GABRA5: variants seen among roughly 807,000 people sequenced by gnomAD.
GABRA5 encodes the protein gamma-aminobutyric acid receptor subunit alpha-5.
A neutral mutation model predicts 47.3 loss-of-function variants in GABRA5; 18 were observed. The observed-to-expected ratio is 0.38, with a 90% CI of 0.26 to 0.56. The LOEUF is 0.56. GABRA5 is among the 20% of genes least tolerant of loss of function. GABRA5 has a pLI of 0.71. For missense variants in GABRA5, 365 were observed against 599.3 expected (o/e 0.61, Z 4.08); for synonymous variants, 237 against 229.3 (o/e 1.03, Z -0.30).
At chr15:26,878,549 C>T (rs1892653370) in intron 3 of GABRA5, among the ~76,000 whole-genome samples, 2 of 152,150 alleles carry the variant, frequency 1.3e-5, no homozygotes, top group Non-Finnish European at 2.9e-5. Context: ...CCCCGATAGG[C>T]ATCATCAGAG....
intron 6 of GABRA5, among the ~76,000 whole-genome samples, chr15:26,891,160 C>T (rs1026490620): frequency 2.0e-5 from 3 of 152,206 alleles, no homozygotes; most frequent in East Asian, 1.9e-4. Context: ...TTTGGACTCT[C>T]GGGCACACAT....
Position 26,900,856 on chromosome 15 carries a change from T to C in GABRA5, c.498-13947T>C, listed in dbSNP as rs553641451. ...TAAAAATCCTCTGTGCTCTGCTTAATTTTATCCCTCTCTCCCCTGAACCCC... is the reference window on the plus strand; with the variant it reads ...TAAAAATCCTCTGTGCTCTGCTTAACTTTATCCCTCTCTCCCCTGAACCCC... On this transcript the variant is annotated intron_variant, in intron 6 of 10. Coordinates refer to ENST00000335625, the MANE Select transcript of GABRA5 (RefSeq NM_000810.4). Among the ~76,000 whole-genome samples, 23 of 152,262 alleles carry C rather than the reference T, an allele frequency of 1.5e-4. No homozygotes were observed. The South Asian group carries it at 4.6e-3, about 30-fold the overall frequency.
chr15:26,946,762 T>A (rs1894521686), intron 10 of GABRA5, among the ~76,000 whole-genome samples: 1 of 143,364 alleles, frequency 7.0e-6, no homozygotes, highest in Admixed American at 7.2e-5. Context: ...CACCATAATG[T>A]AACTTACCTG....
At chr15:26,924,232 AGAAATCAGGTTCCAGCT>A (rs1893905806) in intron 7 of GABRA5, among the ~76,000 whole-genome samples, 1 of 146,122 alleles carries the variant, frequency 6.8e-6, no homozygotes, top group Non-Finnish European at 1.5e-5. Flanking sequence ...GGGTCAGGGT[AGAAATCAGGTTCCAGCT>A]TAGCCTCTAT....
At chr15:26,897,588 G>A (rs1893229287) in intron 6 of GABRA5, among the ~76,000 whole-genome samples, 1 of 152,212 alleles carries the variant, frequency 6.6e-6, no homozygotes, top group Admixed American at 6.5e-5. Flanking sequence ...CAGATACGCT[G>A]CATCAACTTC....
chr15:26,908,234 C>T (rs1371139223), intron 6 of GABRA5, among the ~76,000 whole-genome samples: 13 of 152,116 alleles, frequency 8.5e-5, no homozygotes, highest in East Asian at 1.9e-4. Context: ...GTAATCCTTA[C>T]AGCTGGGTTT....
chr15:26,868,858 T>C (rs1729218737), intron 2 of GABRA5, 65 bp downstream of exon 2: 1 of 175,154 alleles, frequency 5.7e-6, no homozygotes, highest in Admixed American at 5.6e-5. Flanking sequence ...ACTACAGCGT[T>C]TATTTTAATA....
chr15:26,934,522 C>T (rs1191497815), intron 7 of GABRA5, among the ~76,000 whole-genome samples: 1 of 152,114 alleles, frequency 6.6e-6, no homozygotes, highest in African/African-American at 2.4e-5. Context: ...GATTTGACAC[C>T]AAGCAAAAAT....
chr15:26,920,851 C>A (rs956484262), intron 7 of GABRA5, among the ~76,000 whole-genome samples: 2 of 152,164 alleles, frequency 1.3e-5, no homozygotes, highest in African/African-American at 2.4e-5. Flanking sequence ...CCCACTAGCA[C>A]TCAGAGACAA....
At chr15:26,943,083 CAAAATAAAAATA>C in intron 9 of GABRA5, 120 bp from the exon 10 acceptor site, 1 of 681,354 alleles carries the variant, frequency 1.5e-6, no homozygotes, top group South Asian at 2.0e-5. Flanking sequence ...GACTCTGTCT[CAAAATAAAAATA>C]AAAATAAAAA....
chr15:26,919,804 G>A (rs983941053), intron 7 of GABRA5, among the ~76,000 whole-genome samples: 1 of 152,030 alleles, frequency 6.6e-6, no homozygotes, highest in African/African-American at 2.4e-5. Flanking sequence ...TTGCAAGTCA[G>A]GTCTAGTGGT....
intron 6 of GABRA5, among the ~76,000 whole-genome samples, chr15:26,895,706 G>A (rs572426038): frequency 4.6e-5 from 7 of 151,628 alleles, no homozygotes; most frequent in Non-Finnish European, 8.8e-5. Context: ...CCAGCTACTC[G>A]GGAGGCGGAG....
chr15:26,876,404 C>T (rs28557375), intron 3 of GABRA5, among the ~76,000 whole-genome samples: 71,496 of 151,914 alleles, frequency 0.47, 16,879 homozygotes, highest in African/African-American at 0.5. Flanking sequence ...TGCTTGTGTT[C>T]TGAGGTCAGG....
At chr15:26,890,426 ATTTTTT>A (rs201726196) in intron 6 of GABRA5, among the ~76,000 whole-genome samples, 1 of 128,582 alleles carries the variant, frequency 7.8e-6, no homozygotes, top group South Asian at 2.6e-4. Context: ...AGTCACTTCA[ATTTTTT>A]TTTTTTTTTT....
chr15:26,885,160 G>A (rs533627615), intron 6 of GABRA5, among the ~76,000 whole-genome samples: 48 of 152,182 alleles, frequency 3.2e-4, no homozygotes, highest in South Asian at 2.1e-3. Context: ...TTAGCCGGGC[G>A]TGGTGGCGGA....
rs1048923230 is a variant in GABRA5, at chr15:26,883,036, A to G, written c.209-130A>G. On this transcript the variant is annotated intron_variant, in intron 4 of 10. Coordinates refer to ENST00000335625, the MANE Select transcript of GABRA5 (RefSeq NM_000810.4). The surrounding 1 kb of genome is among the most constrained non-coding windows in gnomAD (Gnocchi z 4.8). ...CATCTGGTAATTGTCAAGTCCTCCAAATTTACCAAACGCACTGCAAAAGCC... is the reference window on the plus strand; with the variant it reads ...CATCTGGTAATTGTCAAGTCCTCCAGATTTACCAAACGCACTGCAAAAGCC... 2.6e-6 allele frequency: 2 copies of G among 759,466 alleles called. No individual in the cohort carries two copies. Among genetic ancestry groups the G allele is most frequent in the Non-Finnish European group, 4.8e-6 (2 of 417,518 alleles). 47.0% of individuals were successfully genotyped at this position (759,466 alleles called of 1,614,324 possible).
intron 6 of GABRA5, among the ~76,000 whole-genome samples, chr15:26,909,094 G>A (rs528839819): frequency 1.3e-5 from 2 of 152,300 alleles, no homozygotes; most frequent in African/African-American, 4.8e-5. Flanking sequence ...TTGTGTGTCT[G>A]AAATGCAGCT....
chr15:26,938,712 G>A (rs28370516), intron 8 of GABRA5, among the ~76,000 whole-genome samples: 1,842 of 152,300 alleles, frequency 0.012, 24 homozygotes, highest in African/African-American at 0.038. Flanking sequence ...CACCTGCTGC[G>A]GACTATGGGG....
At chr15:26,929,410 G>T (rs989019826) in intron 7 of GABRA5, among the ~76,000 whole-genome samples, 2 of 152,206 alleles carry the variant, frequency 1.3e-5, no homozygotes, top group Admixed American at 1.3e-4. Flanking sequence ...GCTTTGCCCT[G>T]CAGACCCATG....
Sources: allele counts gnomAD v4.1 joint callset (sites outside exome capture counted in the v4.1 genomes callset), GRCh38; gene constraint gnomAD v4.1.1; non-coding constraint Gnocchi (gnomAD v3.1); transcripts MANE v1.5; gene names NCBI Gene and HGNC (gene_info 2026-07-23, HGNC 2026-07-21).